B3GALT1: variants seen among roughly 807,000 people sequenced by gnomAD.
B3GALT1 encodes UDP-Gal:betaGlcNAc beta 1,3-galactosyltransferase, polypeptide 1.
Under a neutral mutation model 23.2 loss-of-function variants are expected in B3GALT1, and 10 were observed. The ratio of observed to expected loss-of-function variants is 0.43; its 90% CI spans 0.27 to 0.73. The LOEUF (loss-of-function observed/expected upper bound fraction) is 0.73. B3GALT1 is among the 30% of genes least tolerant of loss of function. The pLI, the probability that B3GALT1 is intolerant of heterozygous loss-of-function variation, is 0.21. For synonymous variants in B3GALT1, 156 were observed against 141.5 expected (o/e 1.10, Z -0.73); for missense variants, 299 against 405.4 (o/e 0.74, Z 2.25).
intron 4 of B3GALT1, among the ~76,000 whole-genome samples, chr2:167,835,947 A>G (rs1574290636): frequency 6.6e-6 from 1 of 152,224 alleles, no homozygotes; most frequent in Non-Finnish European, 1.5e-5. Flanking sequence ...GCAAACTCCA[A>G]CAGACCTGCA....
chr2:167,569,236 A>C (rs1574144664), intron 2 of B3GALT1, among the ~76,000 whole-genome samples: 1 of 152,020 alleles, frequency 6.6e-6, no homozygotes, highest in South Asian at 2.1e-4. Context: ...TAGTAAAATC[A>C]GTTTGTCTAC....
chr2:167,836,775 A>G (rs1215939707), intron 4 of B3GALT1, among the ~76,000 whole-genome samples: 1 of 152,244 alleles, frequency 6.6e-6, no homozygotes, highest in Non-Finnish European at 1.5e-5. Context: ...GCAGCCAGAG[A>G]GAAAGGGCGG....
chr2:167,861,000 T>C (rs894548395), intron 4 of B3GALT1, among the ~76,000 whole-genome samples: 10 of 152,206 alleles, frequency 6.6e-5, no homozygotes, highest in African/African-American at 2.4e-4. Flanking sequence ...AAGAAATTAC[T>C]TGCTCAAATC....
chr2:167,486,266 G>A (rs1316402471), intron 1 of B3GALT1, among the ~76,000 whole-genome samples: 1 of 151,104 alleles, frequency 6.6e-6, no homozygotes, highest in African/African-American at 2.4e-5. Flanking sequence ...GGCTGAGGCA[G>A]GAGAATTGCT....
chr2:167,816,944 C>A (rs1177530354), intron 3 of B3GALT1, among the ~76,000 whole-genome samples: 1 of 152,198 alleles, frequency 6.6e-6, no homozygotes, highest in African/African-American at 2.4e-5. Flanking sequence ...ACATTTTTTA[C>A]ATAAGGCAAA....
At chr2:167,442,015 G>A (rs1244075830) in intron 1 of B3GALT1, among the ~76,000 whole-genome samples, 2 of 151,962 alleles carry the variant, frequency 1.3e-5, no homozygotes, top group Admixed American at 6.5e-5. Flanking sequence ...ATCTCCCAAT[G>A]CTATCCCTCC....
At chr2:167,722,663 A>T (rs576029940) in intron 3 of B3GALT1, among the ~76,000 whole-genome samples, 10 of 152,250 alleles carry the variant, frequency 6.6e-5, no homozygotes, top group African/African-American at 2.4e-4. Context: ...CCATAAGCTG[A>T]TGGCTTTGAA....
intron 1 of B3GALT1, among the ~76,000 whole-genome samples, chr2:167,468,291 G>A (rs906825538): frequency 2.6e-5 from 4 of 151,930 alleles, no homozygotes. Context: ...GTTGGACAGG[G>A]ACACTATAAG....
chr2:167,827,922 CAG>C (rs1210122496), intron 4 of B3GALT1, among the ~76,000 whole-genome samples: 10 of 152,270 alleles, frequency 6.6e-5, no homozygotes, highest in South Asian at 2.1e-4. Context: ...CGAAGCACAG[CAG>C]AGACAGGCAA....
At chr2:167,834,295 AT>A (rs1192109841) in intron 4 of B3GALT1, among the ~76,000 whole-genome samples, 4 of 152,172 alleles carry the variant, frequency 2.6e-5, no homozygotes, top group African/African-American at 9.7e-5. Flanking sequence ...CTTGAAGTTA[AT>A]AATAAATAGC....
chr2:167,298,449 T>C (rs181355869), intron 1 of B3GALT1, among the ~76,000 whole-genome samples: 92 of 152,256 alleles, frequency 6.0e-4, no homozygotes, highest in African/African-American at 2.0e-3. Context: ...GTGTTAATAT[T>C]ATGTTGGGAC....
At chr2:167,797,285 T>C (rs1042815501) in intron 3 of B3GALT1, among the ~76,000 whole-genome samples, 1 of 152,180 alleles carries the variant, frequency 6.6e-6, no homozygotes, top group Non-Finnish European at 1.5e-5. Flanking sequence ...GCTCCATCCA[T>C]GTTTCTGCAA....
chr2:167,426,152 G>A (rs139193030), intron 1 of B3GALT1, among the ~76,000 whole-genome samples: 12 of 152,198 alleles, frequency 7.9e-5, no homozygotes, highest in African/African-American at 2.6e-4. Context: ...TTACCAGGAT[G>A]ATACATTGGA....
rs1299920518 is a variant in B3GALT1, at chr2:167,509,600, A to G, written c.-410+19323A>G. On this transcript the variant is annotated intron_variant, in intron 2 of 4. Transcript: ENST00000392690. ...GCCCTTTTCTTAAGTCCTGAAGTAA[A>G]TTAGACAGTAAACAAGCCATGCAGA... Among the ~76,000 whole-genome samples, 4 of 152,294 alleles carry G rather than the reference A, an allele frequency of 2.6e-5. No individual in the cohort carries two copies. The East Asian group carries it at 7.7e-4, about 29-fold the overall frequency.
chr2:167,453,615 A>G (rs955471586), intron 1 of B3GALT1, among the ~76,000 whole-genome samples: 3 of 152,222 alleles, frequency 2.0e-5, no homozygotes, highest in Admixed American at 1.3e-4. Context: ...TAAAAGGGAA[A>G]TTATGTTTAC....
At chr2:167,557,194 T>A (rs1683868708) in intron 2 of B3GALT1, among the ~76,000 whole-genome samples, 1 of 152,164 alleles carries the variant, frequency 6.6e-6, no homozygotes. Flanking sequence ...ATTAAGTGAC[T>A]TGGAGATGGG....
chr2:167,425,668 T>C (rs895457273), intron 1 of B3GALT1, among the ~76,000 whole-genome samples: 1 of 152,232 alleles, frequency 6.6e-6, no homozygotes, highest in African/African-American at 2.4e-5. Context: ...TTATTTGATA[T>C]TCAGTGCCAG....
At chr2:167,451,102 T>C (rs1699083603) in intron 1 of B3GALT1, among the ~76,000 whole-genome samples, 1 of 152,014 alleles carries the variant, frequency 6.6e-6, no homozygotes, top group Non-Finnish European at 1.5e-5. Flanking sequence ...TTCTTGTATA[T>C]ATGTATTTTT....
At chr2:167,492,289 CTA>C (rs1699721045) in intron 2 of B3GALT1, among the ~76,000 whole-genome samples, 1 of 152,166 alleles carries the variant, frequency 6.6e-6, no homozygotes. Flanking sequence ...TAAGGTTCAT[CTA>C]TGTTTTTCTG....
Sources: gnomAD v4.1 joint callset for allele counts (sites outside exome capture counted in the v4.1 genomes callset) on GRCh38, gnomAD v4.1.1 for gene constraint, MANE v1.5 for transcripts, NCBI Gene and HGNC (gene_info 2026-07-23, HGNC 2026-07-21) for gene names.